Variants in SDR9C7 observed in about 807,000 individuals in gnomAD.
The protein encoded by SDR9C7 is short-chain dehydrogenase/reductase family 9C member 7.
In SDR9C7, 11 loss-of-function variants were observed where a neutral mutation model predicts 23.6. The ratio of observed to expected loss-of-function variants is 0.47; its 90% CI spans 0.29 to 0.77. The LOEUF is 0.77. Among genes scored for constraint, SDR9C7 ranks in the 30% least tolerant of loss-of-function variants. The pLI is 0.09. For synonymous variants in SDR9C7, 167 were observed against 157.3 expected, an observed-to-expected ratio of 1.06 and a Z score of -0.46; for missense variants, 387 against 407.1, an observed-to-expected ratio of 0.95 and a Z score of 0.42.
At position 56,923,241 on chromosome 12, in the gene SDR9C7, G is replaced by A. The variant is rs1955710308; in HGVS notation, c.*592C>T. On this transcript the variant is annotated 3_prime_UTR_variant, in exon 4 of 4. Coordinates refer to ENST00000293502, the MANE Select transcript of SDR9C7 (RefSeq NM_148897.3). The stretch of plus-strand genomic sequence containing the variant: ...TCAATAAATATTTGAAAAATTAATG[G>A]TGATTAAATAAATGAATGTTATTTC... The A allele has an allele frequency of 6.6e-6, 1 of 152,244 alleles. No homozygotes were observed. The highest frequency in any genetic ancestry group is 2.1e-4 in the South Asian group (1 of 4,822). 9.4% of individuals were successfully genotyped at this position (152,244 alleles called of 1,614,324 possible).
intron 3 of SDR9C7, among the ~76,000 whole-genome samples, chr12:56,926,912 C>G (rs1955737559): frequency 6.6e-6 from 1 of 152,218 alleles, no homozygotes; most frequent in South Asian, 2.1e-4. Context: ...GTCTGCATTG[C>G]TGCTTTGTTT....
chr12:56,934,052 G>A lies in SDR9C7; in HGVS notation c.210C>T (p.Ser70=), dbSNP rs1416127037. The A allele has an allele frequency of 2.5e-6, 4 of 1,614,112 alleles. No individual in the cohort carries two copies. Among genetic ancestry groups the A allele is most frequent in the African/African-American group, 1.3e-5 (1 of 74,934 alleles). ...EGSQKLQRDT[S]YRLQTTLLDV... ...CCAGTAGGGTGGTCTGCAGCCGATA[G>A]GAGGTATCCCGCTGAAGTTTCTGGG... Residue 70 remains serine (S), a synonymous_variant, in exon 1 of 4, where the codon TCC becomes TCT. Coordinates refer to ENST00000293502, the MANE Select transcript of SDR9C7 (RefSeq NM_148897.3).
chr12:56,927,074 A>T (rs1955739022), intron 3 of SDR9C7, among the ~76,000 whole-genome samples: 1 of 152,210 alleles, frequency 6.6e-6, no homozygotes, highest in Admixed American at 6.5e-5. Flanking sequence ...ACTTGGGAAA[A>T]CGTTTATCTA....
At position 56,923,986 on chromosome 12, in the gene SDR9C7, G is replaced by A. The variant is rs1248770470; in HGVS notation, c.789C>T (p.Ser263=). Residue 263 remains serine, a synonymous_variant, in exon 4 of 4, where the codon AGC becomes AGT. Coordinates refer to ENST00000293502, the MANE Select transcript of SDR9C7 (RefSeq NM_148897.3). ...TCCGGGAAACAATAGCATGCTCCAT[G>A]CTGTTGATGACATCTCTGACTCTGG... ...AEPRVRDVIN[S]MEHAIVSRSP... The A allele has an allele frequency of 1.2e-6, 2 of 1,614,112 alleles. No individual in the cohort carries two copies. Among genetic ancestry groups the A allele is most frequent in the East Asian group, 2.2e-5 (1 of 44,870 alleles).
intron 3 of SDR9C7, among the ~76,000 whole-genome samples, chr12:56,929,095 C>T (rs77947411): frequency 0.054 from 8,231 of 152,248 alleles, 337 homozygotes; most frequent in Middle Eastern, 0.12. Flanking sequence ...CAGCCATGCC[C>T]TTGATCTCTT....
At chr12:56,925,803 G>A (rs370372145) in intron 3 of SDR9C7, among the ~76,000 whole-genome samples, 10 of 152,178 alleles carry the variant, frequency 6.6e-5, no homozygotes, top group Admixed American at 2.0e-4. Context: ...CTGCCCCCTC[G>A]GCGCCAGGGA....
chr12:56,933,835 C>T (rs1592425026), intron 1 of SDR9C7, 126 bp downstream of exon 1: 2 of 1,114,178 alleles, frequency 1.8e-6, no homozygotes, highest in African/African-American at 3.1e-5. Flanking sequence ...GAGGCAGGGG[C>T]CTTTCCCTAC....
chr12:56,924,876 G>A (rs573366149), intron 3 of SDR9C7, among the ~76,000 whole-genome samples: 251 of 151,902 alleles, frequency 1.7e-3, no homozygotes, highest in Non-Finnish European at 2.5e-3. Flanking sequence ...ACCCAAGATC[G>A]CGCCACTGCA....
At chr12:56,927,654 A>G (rs1342551049) in intron 3 of SDR9C7, among the ~76,000 whole-genome samples, 1 of 152,168 alleles carries the variant, frequency 6.6e-6, no homozygotes, top group Non-Finnish European at 1.5e-5. Context: ...CGGAGTGTAC[A>G]TTAGGACTTT....
chr12:56,923,845 C>T lies in SDR9C7; in HGVS notation c.930G>A (p.Ala310=), dbSNP rs372886832. Residue 310 remains alanine, a synonymous_variant, in exon 4 of 4, where the codon GCG becomes GCA. Coordinates refer to ENST00000293502, the MANE Select transcript of SDR9C7 (RefSeq NM_148897.3). The part of the protein sequence containing the change: ...FILSRYLPRP[A]DSV Reference sequence around the variant, plus strand: ...GATCCTCCCCAGTTTAGACACTGTCCGCTGGCCTTGGAAGGTACCGGCTTA... The same window carrying T: ...GATCCTCCCCAGTTTAGACACTGTCTGCTGGCCTTGGAAGGTACCGGCTTA... 102 of 1,607,048 alleles carry T rather than the reference C, an allele frequency of 6.3e-5. No homozygotes were observed. The highest frequency in any genetic ancestry group is 1.7e-4 in the Middle Eastern group (1 of 6,050).
Position 56,924,012 on chromosome 12 carries a change from G to T in SDR9C7, c.763C>A (p.Pro255Thr), listed in dbSNP as rs1156306360. The T allele has an allele frequency of 3.1e-6, 5 of 1,613,768 alleles. No individual in the cohort carries two copies. The highest frequency in any genetic ancestry group is 3.4e-6 in the Non-Finnish European group (4 of 1,179,902). Reference sequence around the variant, plus strand: ...CTGTTGATGACATCTCTGACTCTGGGCTCTGCCACCTGCATTATGTTTTTT... The same window carrying T: ...CTGTTGATGACATCTCTGACTCTGGTCTCTGCCACCTGCATTATGTTTTTT... ...KLKNIMQVAE[P>T]RVRDVINSME... Residue 255 changes from proline (P) to threonine (T), a missense_variant, in exon 4 of 4, where the codon CCC (proline) becomes ACC (threonine). Pro to Thr is a conservative substitution (Grantham distance 38). Coordinates refer to ENST00000293502, the MANE Select transcript of SDR9C7 (RefSeq NM_148897.3).
At chr12:56,926,471 G>A (rs939356572) in intron 3 of SDR9C7, among the ~76,000 whole-genome samples, 4 of 152,088 alleles carry the variant, frequency 2.6e-5, no homozygotes, top group African/African-American at 9.7e-5. Context: ...CCCTACTATA[G>A]CAATCAAAGC....
chr12:56,933,568 C>T (rs771363492), intron 1 of SDR9C7, among the ~76,000 whole-genome samples: 1 of 152,176 alleles, frequency 6.6e-6, no homozygotes, highest in East Asian at 1.9e-4. Flanking sequence ...CCATGTTGGC[C>T]GGGATGGTCT....
At chr12:56,931,721 C>G (rs1592424258) in intron 1 of SDR9C7, among the ~76,000 whole-genome samples, 1 of 152,234 alleles carries the variant, frequency 6.6e-6, no homozygotes, top group East Asian at 1.9e-4. Flanking sequence ...GTAAACCCCT[C>G]TAAACACTCC....
At chr12:56,924,737 A>G (rs892674697) in intron 3 of SDR9C7, among the ~76,000 whole-genome samples, 2 of 152,214 alleles carry the variant, frequency 1.3e-5, no homozygotes, top group African/African-American at 4.8e-5. Context: ...CCTGGCCAAC[A>G]TGGTGACACC....
rs772840562 is a variant in SDR9C7, at chr12:56,930,434, T to C, written c.352A>G (p.Asn118Asp). 1 of 1,614,148 alleles carries C rather than the reference T, an allele frequency of 6.2e-7. No homozygotes were observed. The highest frequency in any genetic ancestry group is 2.2e-5 in the East Asian group (1 of 44,884). Reference protein sequence around the residue: ...NAGVGLPSGPNEWLTKDDFVK... With the variant: ...NAGVGLPSGPDEWLTKDDFVK... ...AAGTCATCCTTGGTCAGCCATTCGTTGGGACCACTGGGCAGGCCCACACCA... is the reference window on the plus strand; with the variant it reads ...AAGTCATCCTTGGTCAGCCATTCGTCGGGACCACTGGGCAGGCCCACACCA... Residue 118 changes from asparagine (N) to aspartate (D), a missense_variant, in exon 2 of 4, where the codon AAC becomes GAC. Coordinates refer to ENST00000293502, the MANE Select transcript of SDR9C7 (RefSeq NM_148897.3).
At position 56,934,179 on chromosome 12, in the gene SDR9C7, A is replaced by C. The variant is rs1565614481; in HGVS notation, c.83T>G (p.Val28Gly). The change falls in exon 1 of 4, where the codon GTC becomes GGC. Residue 28 changes from valine to glycine, a missense_variant. Coordinates refer to ENST00000293502, the MANE Select transcript of SDR9C7 (RefSeq NM_148897.3). ...NLVGNLSEKY[V>G]FITGCDSGFG... ...GCCAGAGTCACAGCCTGTGATGAAGACGTACTTCTCTGAGAGGTTGCCAAC... is the reference window on the plus strand; with the variant it reads ...GCCAGAGTCACAGCCTGTGATGAAGCCGTACTTCTCTGAGAGGTTGCCAAC... The C allele has an allele frequency of 1.2e-6, 2 of 1,614,084 alleles. No individual in the cohort carries two copies. Among genetic ancestry groups the C allele is most frequent in the Admixed American group, 1.7e-5 (1 of 59,996 alleles).
chr12:56,929,365 C>A (rs1367584388), intron 3 of SDR9C7, 25 bp downstream of exon 3: 1 of 1,591,056 alleles, frequency 6.3e-7, no homozygotes, highest in Non-Finnish European at 8.6e-7. Flanking sequence ...CCCTCAGAGA[C>A]CCCTCTCCTG....
chr12:56,934,125 A>G lies in SDR9C7; in HGVS notation c.137T>C (p.Val46Ala). ...AGCCAGCACCTGCATGCCCCGATCA[A>G]CCAGCTGTTTGGCCAGCAGGTTCCC... Reference protein sequence around the residue: ...GFGNLLAKQLVDRGMQVLAAC... With the variant: ...GFGNLLAKQLADRGMQVLAAC... Residue 46 changes from valine to alanine, a missense_variant, in exon 1 of 4, where the codon GTT becomes GCT. Val to Ala is a moderately conservative substitution (Grantham distance 64, BLOSUM62 0). Coordinates refer to ENST00000293502, the MANE Select transcript of SDR9C7 (RefSeq NM_148897.3). 6.2e-7 allele frequency: 1 copy of G among 1,614,194 alleles called. No homozygotes were observed. The highest frequency in any genetic ancestry group is 8.5e-7 in the Non-Finnish European group (1 of 1,180,042).
Sources: allele counts gnomAD v4.1 joint callset (sites outside exome capture counted in the v4.1 genomes callset), GRCh38; gene constraint gnomAD v4.1.1; transcripts MANE v1.5; gene names NCBI Gene and HGNC (gene_info 2026-07-23, HGNC 2026-07-21).